The following C2CD2 variants were observed in gnomAD, a reference collection of about 807,000 sequenced individuals.
The protein encoded by C2CD2 is C2 calcium dependent domain containing 2.
A neutral mutation model predicts 74.3 loss-of-function variants in C2CD2; 43 were observed. That is an observed-to-expected ratio of 0.58 (90% confidence interval 0.45 to 0.75). The LOEUF is 0.75. Among genes scored for constraint, C2CD2 ranks in the 30% least tolerant of loss-of-function variants. C2CD2 has a pLI of 0.00. For synonymous variants in C2CD2, 422 were observed against 390.7 expected, an observed-to-expected ratio of 1.08 and a Z score of -0.94; for missense variants, 801 against 916.3, an observed-to-expected ratio of 0.87 and a Z score of 1.63.
intron 6 of C2CD2, 35 bp downstream of exon 6, chr21:41,914,563 C>A (rs1258114208): frequency 1.2e-6 from 2 of 1,604,218 alleles, no homozygotes; most frequent in Admixed American, 1.7e-5. Flanking sequence ...GCTGGAAGAG[C>A]CCCTCCAGGC....
intron 13 of C2CD2, among the ~76,000 whole-genome samples, chr21:41,897,612 C>A (rs2064839515): frequency 1.3e-5 from 2 of 152,212 alleles, no homozygotes; most frequent in African/African-American, 4.8e-5. Flanking sequence ...TCCAACGGGT[C>A]TGAAATCTTA....
chr21:41,899,764 T>C lies in C2CD2; in HGVS notation c.1561-402A>G, dbSNP rs2064870989. 6.6e-6 allele frequency among the ~76,000 whole-genome samples: 1 copy of C among 152,204 alleles called. No individual in the cohort carries two copies. Among genetic ancestry groups the C allele is most frequent in the Non-Finnish European group, 1.5e-5 (1 of 68,034 alleles). On this transcript the variant is annotated intron_variant, in intron 12 of 13. Coordinates refer to ENST00000380486, the MANE Select transcript of C2CD2 (RefSeq NM_015500.2). The surrounding 1 kb of genome is among the most constrained non-coding windows in gnomAD (Gnocchi z 4.4). Reference sequence around the variant, plus strand: ...TTTCGGGTTTAGCTGTCTTTGTTCCTACACGTTTATGTTACCTGCAAGTGG... The same window carrying C: ...TTTCGGGTTTAGCTGTCTTTGTTCCCACACGTTTATGTTACCTGCAAGTGG...
rs1396217623 is a variant in C2CD2 at position 41,923,514 on chromosome 21, C to T, written c.379-1429G>A. ...TGGGTTGCTTCCACCTAAATAATTT[C>T]GAGGCGATCATGGTTTTCAAAAAGG... On this transcript the variant is annotated intron_variant, in intron 2 of 13. Coordinates refer to ENST00000380486, the MANE Select transcript of C2CD2 (RefSeq NM_015500.2). This position sits in a 1 kb window ranked among gnomAD's most constrained non-coding sequence, Gnocchi z 5.8. Among the ~76,000 whole-genome samples the T allele has an allele frequency of 6.6e-6, 1 of 152,096 alleles. No homozygotes were observed. The highest frequency in any genetic ancestry group is 1.5e-5 in the Non-Finnish European group (1 of 68,016).
chr21:41,944,691 C>T (rs1249927409), intron 1 of C2CD2, among the ~76,000 whole-genome samples: 1 of 152,152 alleles, frequency 6.6e-6, no homozygotes, highest in Admixed American at 6.5e-5. Flanking sequence ...CACACAACCA[C>T]AAATTCAGGT....
chr21:41,892,929 C>T lies in C2CD2; in HGVS notation c.1871-3585G>A, dbSNP rs1000215240. ...AGCCCACCCGCAGGGCCCGGTGCCA[C>T]GCCAGAGACGCGCGGTGCGCCCAGG... On this transcript the variant is annotated intron_variant, in intron 13 of 13. Coordinates refer to ENST00000380486, the MANE Select transcript of C2CD2 (RefSeq NM_015500.2). This position sits in a 1 kb window ranked among gnomAD's most constrained non-coding sequence, Gnocchi z 4.6. Among the ~76,000 whole-genome samples the T allele has an allele frequency of 3.9e-5, 6 of 152,222 alleles. No individual in the cohort carries two copies. Among genetic ancestry groups the T allele is most frequent in the South Asian group, 2.1e-4 (1 of 4,828 alleles).
chr21:41,890,179 T>C (rs920822846), intron 13 of C2CD2, among the ~76,000 whole-genome samples: 1 of 152,224 alleles, frequency 6.6e-6, no homozygotes, highest in Non-Finnish European at 1.5e-5. Flanking sequence ...GGGAATAAGA[T>C]TTTATTAAAA....
chr21:41,895,903 G>C lies in C2CD2; in HGVS notation c.1870+3150C>G, dbSNP rs943466006. Among the ~76,000 whole-genome samples the C allele has an allele frequency of 6.6e-6, 1 of 152,164 alleles. No homozygotes were observed. Among genetic ancestry groups the C allele is most frequent in the South Asian group, 2.1e-4 (1 of 4,828 alleles). ...TTTCAACTGGAACCACAGATGGTCC[G>C]TTGATAGAAGCGACTACTTTTTAGC... On this transcript the variant is annotated intron_variant, in intron 13 of 13. Coordinates refer to ENST00000380486, the MANE Select transcript of C2CD2 (RefSeq NM_015500.2). The surrounding 1 kb of genome is among the most constrained non-coding windows in gnomAD (Gnocchi z 5.0).
intron 1 of C2CD2, among the ~76,000 whole-genome samples, chr21:41,948,870 C>CTTTTCT (rs1339605498): frequency 1.2e-5 from 1 of 80,686 alleles, no homozygotes; most frequent in Non-Finnish European, 2.3e-5. Flanking sequence ...CACACAGCAT[C>CTTTTCT]TTTTTTTTTT....
At chr21:41,919,061 T>C (rs927937714) in intron 3 of C2CD2, 101 bp from the exon 4 acceptor site, 31 of 813,648 alleles carry the variant, frequency 3.8e-5, no homozygotes, top group Admixed American at 3.5e-4. Context: ...TGTGCATATA[T>C]GCATGTGAGC....
In C2CD2 at chr21:41,928,075, C is replaced by CA. The variant is rs773452203; in HGVS notation, c.379-5991dup. Among the ~76,000 whole-genome samples, 82 of 152,232 alleles carry CA rather than the reference C, an allele frequency of 5.4e-4. 2 individuals carry two copies. Among genetic ancestry groups the CA allele is most frequent in the Admixed American group, 5.2e-4 (8 of 15,284 alleles). On this transcript the variant is annotated intron_variant, in intron 2 of 13. Transcript: ENST00000380486. ...ATCTGTTTGTGAATGTGTTGTCTTT[C>CA]ATCAAGTTTACACTAAAAGACAAAA...
intron 1 of C2CD2, among the ~76,000 whole-genome samples, chr21:41,950,966 G>C (rs1381265844): frequency 6.6e-6 from 1 of 152,208 alleles, no homozygotes; most frequent in Non-Finnish European, 1.5e-5. Flanking sequence ...GAGGCAGGAG[G>C]GGGAGCACTA....
intron 1 of C2CD2, chr21:41,953,108 C>T (rs1041588503): frequency 5.3e-6 from 2 of 380,872 alleles, no homozygotes; most frequent in Non-Finnish European, 9.3e-6. Flanking sequence ...GACGGTCCCT[C>T]CAACTGCCAG....
Position 41,926,189 on chromosome 21 carries a change from C to T in C2CD2, c.379-4104G>A, listed in dbSNP as rs1180812636. Among the ~76,000 whole-genome samples the T allele has an allele frequency of 1.3e-5, 2 of 152,212 alleles. No homozygotes were observed. The highest frequency in any genetic ancestry group is 6.5e-5 in the Admixed American group (1 of 15,288). The stretch of plus-strand genomic sequence containing the variant: ...GCGAGCTCCCTCGACAACAACCAAC[C>T]ATCCCCCAACCTGCATTTTTTTGAC... On this transcript the variant is annotated intron_variant, in intron 2 of 13. Transcript: ENST00000380486. The surrounding 1 kb of genome is among the most constrained non-coding windows in gnomAD (Gnocchi z 8.0).
chr21:41,902,309 C>T (rs1273403218), intron 11 of C2CD2, among the ~76,000 whole-genome samples: 1 of 152,162 alleles, frequency 6.6e-6, no homozygotes, highest in Non-Finnish European at 1.5e-5. Flanking sequence ...CTATGAAGGG[C>T]CAGTTAATAA....
intron 10 of C2CD2, 32 bp from the exon 11 acceptor site, chr21:41,905,869 G>GC: frequency 2.5e-6 from 3 of 1,201,666 alleles, no homozygotes; most frequent in Non-Finnish European, 3.7e-6. Flanking sequence ...TACAAAAGCG[G>GC]CCCCGTGGCT....
At chr21:41,912,482 ATTAT>A (rs150526292) in intron 6 of C2CD2, 42 bp from the exon 7 acceptor site, 9 of 900,798 alleles carry the variant, frequency 1.0e-5, no homozygotes, top group East Asian at 3.2e-5. Flanking sequence ...GTTTATTTTT[ATTAT>A]TTATTTATTT....
chr21:41,899,226 G>T lies in C2CD2; in HGVS notation c.1697C>A (p.Ala566Asp), dbSNP rs1349567583. Reference sequence around the variant, plus strand: ...GGGCTTGGGGGCAAGGGATGCCTGGGCTGACTCGGCTTCCTCTGGCGGGGC... The same window carrying T: ...GGGCTTGGGGGCAAGGGATGCCTGGTCTGACTCGGCTTCCTCTGGCGGGGC... ...ASAPPEEAESAQASLAPKPQE... is the reference protein window; with the variant it reads ...ASAPPEEAESDQASLAPKPQE... Residue 566 changes from alanine (A) to aspartate (D), a missense_variant, in exon 13 of 14, where the codon GCC becomes GAC. By Grantham distance (126) the Ala-to-Asp change is moderately radical (BLOSUM62 -2). Coordinates refer to ENST00000380486, the MANE Select transcript of C2CD2 (RefSeq NM_015500.2). The surrounding 1 kb of genome is among the most constrained non-coding windows in gnomAD (Gnocchi z 4.4). 1.9e-6 allele frequency: 3 copies of T among 1,612,254 alleles called. No individual in the cohort carries two copies. Among genetic ancestry groups the T allele is most frequent in the Non-Finnish European group, 1.7e-6 (2 of 1,179,540 alleles).
intron 1 of C2CD2, among the ~76,000 whole-genome samples, chr21:41,947,131 T>C (rs1321072783): frequency 5.1e-4 from 56 of 109,394 alleles, no homozygotes; most frequent in Non-Finnish European, 7.9e-4. Context: ...TCTCTCTCTC[T>C]CTCTCTCTCC....
At chr21:41,940,127 C>A (rs903994503) in intron 2 of C2CD2, among the ~76,000 whole-genome samples, 2 of 152,138 alleles carry the variant, frequency 1.3e-5, no homozygotes, top group African/African-American at 4.8e-5. Flanking sequence ...AAAAAAAGAT[C>A]TGATACCCGA....
Sources: allele counts gnomAD v4.1 joint callset (sites outside exome capture counted in the v4.1 genomes callset), GRCh38; gene constraint gnomAD v4.1.1; non-coding constraint Gnocchi (gnomAD v3.1); transcripts MANE v1.5; gene names NCBI Gene and HGNC (gene_info 2026-07-23, HGNC 2026-07-21).